The following WWOX variants were observed in gnomAD, a reference collection of about 807,000 sequenced individuals.
WWOX encodes WW domain-containing oxidoreductase.
WWOX carries 69 observed loss-of-function variants against 46.2 expected under a neutral mutation model. The observed-to-expected ratio is 1.49, with a 90% CI of 1.23 to 1.82. The LOEUF is 1.82. Among genes scored for constraint, WWOX ranks in the 40% most tolerant of loss-of-function variants. WWOX has a pLI of 0.00. For missense variants in WWOX, 919 were observed against 542.6 expected (o/e 1.69, Z -6.89); for synonymous variants, 359 against 202.6 (o/e 1.77, Z -6.56).
intron 8 of WWOX, among the ~76,000 whole-genome samples, chr16:78,472,782 C>G (rs1802914382): frequency 7.6e-6 from 1 of 131,542 alleles, no homozygotes; most frequent in African/African-American, 2.9e-5. Flanking sequence ...GTTCTCCAGC[C>G]TGGGCGACAA....
chr16:78,481,306 C>T (rs557338406), intron 8 of WWOX, among the ~76,000 whole-genome samples: 2 of 152,288 alleles, frequency 1.3e-5, no homozygotes, highest in African/African-American at 2.4e-5. Context: ...TAAAAAGACT[C>T]TGTGGCCTCT....
At chr16:79,209,775 C>T (rs1186538894) in intron 8 of WWOX, among the ~76,000 whole-genome samples, 2 of 152,138 alleles carry the variant, frequency 1.3e-5, no homozygotes, top group African/African-American at 2.4e-5. Flanking sequence ...TTCCCTTTTC[C>T]CCACATGGGA....
At chr16:78,673,367 C>G (rs1175314317) in intron 8 of WWOX, among the ~76,000 whole-genome samples, 1 of 152,184 alleles carries the variant, frequency 6.6e-6, no homozygotes, top group Non-Finnish European at 1.5e-5. Context: ...CTTCGCCTCT[C>G]TAACACCACG....
chr16:79,169,854 T>G (rs1440840273), intron 8 of WWOX, among the ~76,000 whole-genome samples: 1 of 152,164 alleles, frequency 6.6e-6, no homozygotes, highest in Non-Finnish European at 1.5e-5. Flanking sequence ...ATTGCTGTAT[T>G]GCAGGGAAGT....
At chr16:78,788,020 G>T (rs113717864) in intron 8 of WWOX, among the ~76,000 whole-genome samples, 1 of 152,118 alleles carries the variant, frequency 6.6e-6, no homozygotes, top group East Asian at 1.9e-4. Flanking sequence ...AGTTGTAAAA[G>T]TTGTTTATAT....
chr16:78,702,124 T>TATATATTTATATATA (rs777394763), intron 8 of WWOX, among the ~76,000 whole-genome samples: 1 of 105,550 alleles, frequency 9.5e-6, no homozygotes, highest in African/African-American at 4.9e-5. Context: ...ATATATATAT[T>TATATATTTATATATA]TATTTATTTT....
chr16:78,531,520 A>T (rs1053956977), intron 8 of WWOX, among the ~76,000 whole-genome samples: 1 of 152,124 alleles, frequency 6.6e-6, no homozygotes, highest in Non-Finnish European at 1.5e-5. Flanking sequence ...TTTCTCTTAC[A>T]TGTATGAAGT....
At chr16:78,909,184 G>T (rs746192718) in intron 8 of WWOX, among the ~76,000 whole-genome samples, 3 of 152,230 alleles carry the variant, frequency 2.0e-5, no homozygotes, top group South Asian at 2.1e-4. Context: ...AATTTTCTCC[G>T]TTATAATTTT....
At chr16:78,876,754 G>C (rs547428527) in intron 8 of WWOX, among the ~76,000 whole-genome samples, 15 of 152,200 alleles carry the variant, frequency 9.9e-5, no homozygotes, top group Middle Eastern at 3.4e-3. Flanking sequence ...ACTAAAAGAA[G>C]ATTAACCAAA....
At chr16:78,153,197 G>T (rs1438175706) in intron 4 of WWOX, among the ~76,000 whole-genome samples, 1 of 152,116 alleles carries the variant, frequency 6.6e-6, no homozygotes, top group Non-Finnish European at 1.5e-5. Context: ...CAGAAACAGA[G>T]GTATGGATTA....
At chr16:78,139,395 C>T (rs1169085789) in intron 4 of WWOX, among the ~76,000 whole-genome samples, 2 of 152,172 alleles carry the variant, frequency 1.3e-5, no homozygotes, top group East Asian at 1.9e-4. Context: ...CCTGTAATCC[C>T]AGTACTTTGG....
At chr16:78,761,313 T>A (rs1298816926) in intron 8 of WWOX, among the ~76,000 whole-genome samples, 2 of 152,208 alleles carry the variant, frequency 1.3e-5, no homozygotes, top group African/African-American at 4.8e-5. Context: ...ATCAATCTGT[T>A]TGGATTTTCC....
chr16:78,915,677 C>T (rs1446229931), intron 8 of WWOX, among the ~76,000 whole-genome samples: 1 of 126,146 alleles, frequency 7.9e-6, no homozygotes, highest in Non-Finnish European at 1.6e-5. Context: ...AAGTGCTTGT[C>T]TATTCCTCTC....
chr16:79,141,725 C>T (rs1423185252), intron 8 of WWOX, among the ~76,000 whole-genome samples: 8 of 151,122 alleles, frequency 5.3e-5, no homozygotes, highest in Admixed American at 2.6e-4. Context: ...GTGATAAGCC[C>T]GTCTAGCACG....
rs1015964501 is a variant in WWOX at position 78,967,959 on chromosome 16, C to G, written c.1057-243649C>G. Among the ~76,000 whole-genome samples the G allele has an allele frequency of 3.3e-5, 5 of 152,216 alleles. No individual in the cohort carries two copies. In the South Asian group the frequency reaches 1.0e-3, roughly 31 times the overall value. On this transcript the variant is annotated intron_variant, in intron 8 of 8. Coordinates refer to ENST00000566780, the MANE Select transcript of WWOX (RefSeq NM_016373.4). ...CCTCACCCCCAGTTCTGTGTTTATA[C>G]TTCTCATTTAGCCCATACCCCACTA...
intron 5 of WWOX, among the ~76,000 whole-genome samples, chr16:78,236,344 G>A (rs569901730): frequency 2.1e-4 from 32 of 152,308 alleles, no homozygotes; most frequent in African/African-American, 7.7e-4. Flanking sequence ...GTGGGAGATA[G>A]TTTGAGATTT....
chr16:78,166,642 T>G (rs542004397), intron 5 of WWOX: 1 of 152,222 alleles, frequency 6.6e-6, no homozygotes, highest in Admixed American at 6.5e-5. Context: ...CACTGCAACT[T>G]TCACCTCCTG....
chr16:78,632,618 G>A (rs1206237369), intron 8 of WWOX, among the ~76,000 whole-genome samples: 1 of 144,042 alleles, frequency 6.9e-6, no homozygotes, highest in South Asian at 2.2e-4. Context: ...GAGTGCAATG[G>A]TGCGATCTCA....
intron 8 of WWOX, among the ~76,000 whole-genome samples, chr16:79,010,270 G>A (rs1037987084): frequency 1.3e-5 from 2 of 152,200 alleles, no homozygotes; most frequent in Non-Finnish European, 2.9e-5. Flanking sequence ...TCAGAGAGGA[G>A]CAGACGAGGG....
Sources: gnomAD v4.1 joint callset for allele counts (sites outside exome capture counted in the v4.1 genomes callset) on GRCh38, gnomAD v4.1.1 for gene constraint, MANE v1.5 for transcripts, NCBI Gene and HGNC (gene_info 2026-07-23, HGNC 2026-07-21) for gene names.